The following VPS8 variants were observed in gnomAD, a reference collection of about 807,000 sequenced individuals.
VPS8 encodes VPS8 subunit of CORVET complex.
In VPS8, 129 loss-of-function variants were observed where a neutral mutation model predicts 216.4. The observed-to-expected ratio is 0.60, with a 90% CI of 0.52 to 0.69. The LOEUF (loss-of-function observed/expected upper bound fraction) is 0.69, where lower values mean the gene tolerates loss of function less well. Ranked by LOEUF, VPS8 falls within the 30% of genes least tolerant of loss-of-function variation. The pLI is 0.00. For synonymous variants in VPS8, 571 were observed against 565.4 expected (o/e 1.01, Z -0.14); for missense variants, 1,531 against 1,683.5 (o/e 0.91, Z 1.59).
intron 25 of VPS8, among the ~76,000 whole-genome samples, chr3:184,905,041 C>T (rs1451125027): frequency 6.6e-6 from 1 of 152,160 alleles, no homozygotes; most frequent in Non-Finnish European, 1.5e-5. Flanking sequence ...GTTGGAAGGG[C>T]AAGTGGGAAC....
chr3:184,885,870 A>G (rs1731126293), intron 21 of VPS8: 1 of 418,688 alleles, frequency 2.4e-6, no homozygotes, highest in African/African-American at 2.0e-5. Flanking sequence ...GAACACCTTA[A>G]TGCATTAAAA....
At chr3:185,019,506 G>A (rs1316777201) in intron 45 of VPS8, among the ~76,000 whole-genome samples, 1 of 152,144 alleles carries the variant, frequency 6.6e-6, no homozygotes, top group Admixed American at 6.5e-5. Context: ...TTAACTAAAA[G>A]CATTTCTTAC....
chr3:184,931,497 A>G (rs114553696), intron 34 of VPS8, among the ~76,000 whole-genome samples: 19 of 152,298 alleles, frequency 1.2e-4, no homozygotes, highest in African/African-American at 4.6e-4. Context: ...TAGATATGAA[A>G]AACTATAAGA....
intron 37 of VPS8, among the ~76,000 whole-genome samples, chr3:184,958,319 T>G (rs894634119): frequency 4.6e-5 from 7 of 152,138 alleles, no homozygotes; most frequent in Admixed American, 2.0e-4. Flanking sequence ...GGTGGTGGTG[T>G]TGTAAGTGTG....
chr3:184,836,480 G>C (rs1721114967), intron 5 of VPS8: 1 of 350,298 alleles, frequency 2.9e-6, no homozygotes, highest in Non-Finnish European at 5.6e-6. Flanking sequence ...TTATTTAAAA[G>C]GAGTTCTCCT....
In VPS8 at chr3:184,841,159, C is replaced by G. The variant is rs1197734845; in HGVS notation, c.535+1407C>G. 2.0e-5 allele frequency among the ~76,000 whole-genome samples: 3 copies of G among 151,992 alleles called. No individual in the cohort carries two copies. In the East Asian group the frequency reaches 5.8e-4, roughly 29 times the overall value. The stretch of plus-strand genomic sequence containing the variant: ...AATTGATTGAAAAAGACTCTTAAAA[C>G]CTATATAGTTGATATATAGTCATAG... On this transcript the variant is annotated intron_variant, in intron 7 of 47. Coordinates refer to ENST00000625842, the MANE Select transcript of VPS8 (RefSeq NM_001009921.3).
At chr3:184,871,721 T>C (rs1728384825) in intron 21 of VPS8, among the ~76,000 whole-genome samples, 1 of 152,198 alleles carries the variant, frequency 6.6e-6, no homozygotes, top group Non-Finnish European at 1.5e-5. Context: ...GTTTGTAGTC[T>C]AGTCAAAATA....
At chr3:184,847,302 C>T (rs1482637538) in intron 8 of VPS8, among the ~76,000 whole-genome samples, 1 of 152,210 alleles carries the variant, frequency 6.6e-6, no homozygotes, top group Non-Finnish European at 1.5e-5. Flanking sequence ...AGTATTCACT[C>T]TGAATGGGCA....
intron 46 of VPS8, among the ~76,000 whole-genome samples, chr3:185,039,038 A>C (rs1759281429): frequency 1.3e-5 from 2 of 152,174 alleles, no homozygotes; most frequent in South Asian, 2.1e-4. Flanking sequence ...TCCTGCTCCT[A>C]CTGGGAAGAA....
intron 21 of VPS8, among the ~76,000 whole-genome samples, chr3:184,881,055 G>T (rs1730182328): frequency 6.6e-6 from 1 of 152,030 alleles, no homozygotes; most frequent in Admixed American, 6.5e-5. Flanking sequence ...TATATTCAAG[G>T]CACTAGTCCG....
chr3:184,847,538 C>T (rs1212088274), intron 8 of VPS8, among the ~76,000 whole-genome samples: 1 of 152,074 alleles, frequency 6.6e-6, no homozygotes, highest in Non-Finnish European at 1.5e-5. Flanking sequence ...TAAGACATAC[C>T]CCAAAATTCA....
intron 1 of VPS8, among the ~76,000 whole-genome samples, chr3:184,815,028 A>G (rs1449786777): frequency 1.3e-5 from 2 of 152,188 alleles, no homozygotes; most frequent in Non-Finnish European, 2.9e-5. Flanking sequence ...AGACGCAAAC[A>G]CACACATTAC....
chr3:184,829,096 T>C (rs1577755421), intron 3 of VPS8, among the ~76,000 whole-genome samples: 2 of 152,356 alleles, frequency 1.3e-5, no homozygotes, highest in African/African-American at 4.8e-5. Context: ...CTACTGTTGA[T>C]AGGTATTTGT....
chr3:184,985,345 C>CT (rs1289740212), intron 42 of VPS8, among the ~76,000 whole-genome samples: 1 of 151,958 alleles, frequency 6.6e-6, no homozygotes, highest in Non-Finnish European at 1.5e-5. Context: ...GTCATGTGAG[C>CT]TTTTTTTATT....
chr3:184,968,013 C>G (rs1747709696), intron 39 of VPS8, among the ~76,000 whole-genome samples: 1 of 152,056 alleles, frequency 6.6e-6, no homozygotes, highest in Non-Finnish European at 1.5e-5. Flanking sequence ...AAAATCTGTA[C>G]CTATAAAGCA....
intron 7 of VPS8, 139 bp from the exon 8 acceptor site, chr3:184,843,101 A>G: frequency 3.8e-6 from 2 of 523,824 alleles, no homozygotes; most frequent in Non-Finnish European, 6.2e-6. Flanking sequence ...CACTTAATCA[A>G]ATTTAGTATC....
At chr3:184,825,066 C>T (rs564959149) in intron 2 of VPS8, 129 of 336,232 alleles carry the variant, frequency 3.8e-4, no homozygotes, top group South Asian at 1.1e-3. Flanking sequence ...TCACCACGCC[C>T]GCCTAATTTT....
chr3:185,009,671 G>C (rs1463456220), intron 45 of VPS8, among the ~76,000 whole-genome samples: 1 of 152,072 alleles, frequency 6.6e-6, no homozygotes, highest in African/African-American at 2.4e-5. Context: ...TGGACACCAG[G>C]CAGTGAAAGA....
chr3:184,854,627 G>T lies in VPS8; in HGVS notation c.1035+454G>T, dbSNP rs143753371. ...TATTGAGTCCAAGCCCTGATTTTCA[G>T]TGTTTGAAAGATACTTGTTTTTACA... On this transcript the variant is annotated intron_variant, in intron 13 of 47. Transcript: ENST00000625842. Among the ~76,000 whole-genome samples, 416 of 152,268 alleles carry T rather than the reference G, an allele frequency of 2.7e-3. 1 individual carries two copies. Among genetic ancestry groups the T allele is most frequent in the African/African-American group, 9.7e-3 (404 of 41,544 alleles).
Sources: gnomAD v4.1 joint callset for allele counts (sites outside exome capture counted in the v4.1 genomes callset) on GRCh38, gnomAD v4.1.1 for gene constraint, MANE v1.5 for transcripts, NCBI Gene and HGNC (gene_info 2026-07-23, HGNC 2026-07-21) for gene names.